Variants in LRFN5 observed in about 807,000 individuals in gnomAD.
The protein encoded by LRFN5 is leucine-rich repeat and fibronectin type-III domain-containing protein 5.
Under a neutral mutation model 45.6 loss-of-function variants are expected in LRFN5, and 24 were observed. That is an observed-to-expected ratio of 0.53 (90% CI 0.38 to 0.74). The LOEUF is 0.74. Among genes scored for constraint, LRFN5 ranks in the 30% least tolerant of loss-of-function variants. The probability of loss-of-function intolerance (pLI) is 0.00; values close to 1 mark genes in which losing one functional copy is unlikely to be tolerated. For synonymous variants in LRFN5, 340 were observed against 313.8 expected (o/e 1.08, Z -0.88); for missense variants, 776 against 861.5 (o/e 0.90, Z 1.24).
chr14:41,819,970 TA>T (rs1722110711), intron 2 of LRFN5, among the ~76,000 whole-genome samples: 1 of 151,656 alleles, frequency 6.6e-6, no homozygotes, highest in Non-Finnish European at 1.5e-5. Context: ...TTTTTTTTTT[TA>T]TTTTTCATGC....
intron 2 of LRFN5, among the ~76,000 whole-genome samples, chr14:41,882,949 C>T (rs979529331): frequency 6.9e-6 from 1 of 145,866 alleles, no homozygotes; most frequent in East Asian, 2.1e-4. Flanking sequence ...CCCGGGTTTA[C>T]GCCATTCTCC....
chr14:41,879,203 C>T (rs1344779375), intron 2 of LRFN5, among the ~76,000 whole-genome samples: 4 of 151,948 alleles, frequency 2.6e-5, no homozygotes, highest in Admixed American at 6.6e-5. Context: ...GCAATAGGGT[C>T]ACCTCTTTGA....
chr14:41,650,266 C>CAAAA (rs10654457), intron 1 of LRFN5, among the ~76,000 whole-genome samples: 13 of 135,520 alleles, frequency 9.6e-5, no homozygotes, highest in African/African-American at 1.7e-4. Flanking sequence ...CACACACACA[C>CAAAA]AAAAAAAAAA....
intron 4 of LRFN5, among the ~76,000 whole-genome samples, chr14:41,896,808 G>C (rs959108492): frequency 6.6e-6 from 1 of 151,864 alleles, no homozygotes; most frequent in African/African-American, 2.4e-5. Context: ...AAAAAGAGTG[G>C]TAGGCCGGGC....
chr14:41,666,900 T>C (rs1472646574), intron 1 of LRFN5, among the ~76,000 whole-genome samples: 1 of 152,138 alleles, frequency 6.6e-6, no homozygotes, highest in Non-Finnish European at 1.5e-5. Flanking sequence ...ATTTGACCCA[T>C]ATAGATTCAC....
intron 1 of LRFN5, among the ~76,000 whole-genome samples, chr14:41,722,548 C>T (rs1883764603): frequency 6.7e-6 from 1 of 148,376 alleles, no homozygotes. Flanking sequence ...CTTTCTCTCC[C>T]TATAATAAAA....
intron 2 of LRFN5, among the ~76,000 whole-genome samples, chr14:41,823,868 A>G (rs114714480): frequency 0.016 from 2,434 of 152,164 alleles, 58 homozygotes; most frequent in African/African-American, 0.055. Flanking sequence ...CATTTTTAAA[A>G]ATTATCTTTT....
chr14:41,676,061 G>T (rs1360290013), intron 1 of LRFN5, among the ~76,000 whole-genome samples: 1 of 152,184 alleles, frequency 6.6e-6, no homozygotes, highest in Non-Finnish European at 1.5e-5. Context: ...CCAGTCTGGG[G>T]CTATGGTTTC....
intron 1 of LRFN5, among the ~76,000 whole-genome samples, chr14:41,637,792 C>T (rs1879376554): frequency 6.6e-6 from 1 of 152,084 alleles, no homozygotes; most frequent in Non-Finnish European, 1.5e-5. Context: ...AGGGATATGA[C>T]CGCATTCTTC....
chr14:41,888,230 C>T (rs1348819143), intron 3 of LRFN5, among the ~76,000 whole-genome samples: 1 of 152,004 alleles, frequency 6.6e-6, no homozygotes, highest in Non-Finnish European at 1.5e-5. Context: ...ATTATGCTTA[C>T]TTACTTTTTT....
chr14:41,850,329 G>A (rs1889220997), intron 2 of LRFN5, among the ~76,000 whole-genome samples: 1 of 151,822 alleles, frequency 6.6e-6, no homozygotes. Context: ...ATAAGGACAA[G>A]GCTGAGGTGT....
intron 2 of LRFN5, among the ~76,000 whole-genome samples, chr14:41,884,569 G>A (rs976228057): frequency 3.3e-5 from 5 of 152,164 alleles, no homozygotes; most frequent in African/African-American, 9.7e-5. Flanking sequence ...AGTGGTCGCA[G>A]GCTGGACTGC....
rs1456203568 is a variant in LRFN5, at chr14:41,612,678, A to G, written c.-197+4116A>G. On this transcript the variant is annotated intron_variant, in intron 1 of 5. Coordinates refer to ENST00000298119, the MANE Select transcript of LRFN5 (RefSeq NM_152447.5). ...TTTATTCCCATGGCATCCTTCAATCATTGAGGACTATTTAGAACCTAAGGC... is the reference window on the plus strand; with the variant it reads ...TTTATTCCCATGGCATCCTTCAATCGTTGAGGACTATTTAGAACCTAAGGC... Among the ~76,000 whole-genome samples, 13 of 152,070 alleles carry G rather than the reference A, an allele frequency of 8.5e-5. 1 individual carries two copies. In the East Asian group the frequency reaches 2.3e-3, roughly 27 times the overall value.
chr14:41,831,573 G>A (rs1332676097), intron 2 of LRFN5, among the ~76,000 whole-genome samples: 1 of 152,006 alleles, frequency 6.6e-6, no homozygotes, highest in Non-Finnish European at 1.5e-5. Context: ...TATATGCTTG[G>A]TACATGCTAG....
chr14:41,891,041 G>A (rs1007716761), intron 3 of LRFN5, among the ~76,000 whole-genome samples: 4 of 151,924 alleles, frequency 2.6e-5, no homozygotes, highest in African/African-American at 9.7e-5. Flanking sequence ...GAAGGCTTGG[G>A]GTAGGCACGA....
intron 2 of LRFN5, among the ~76,000 whole-genome samples, chr14:41,820,776 T>C (rs1264627543): frequency 2.6e-5 from 4 of 151,998 alleles, no homozygotes; most frequent in Non-Finnish European, 5.9e-5. Context: ...GACTTGTTTG[T>C]ATCATCTACA....
At chr14:41,713,777 A>G (rs1053172420) in intron 1 of LRFN5, among the ~76,000 whole-genome samples, 5 of 152,152 alleles carry the variant, frequency 3.3e-5, no homozygotes, top group Admixed American at 6.5e-5. Context: ...TGAGAGGTAA[A>G]TTGATACAAT....
At chr14:41,764,399 A>G (rs1391578132) in intron 1 of LRFN5, among the ~76,000 whole-genome samples, 1 of 152,202 alleles carries the variant, frequency 6.6e-6, no homozygotes, top group African/African-American at 2.4e-5. Context: ...GCTGGCACAT[A>G]GTAAATCTTA....
At chr14:41,722,920 C>T (rs543220660) in intron 1 of LRFN5, among the ~76,000 whole-genome samples, 54 of 152,300 alleles carry the variant, frequency 3.5e-4, no homozygotes, top group African/African-American at 1.3e-3. Context: ...TGCTGGCAGG[C>T]GCAAGCACCA....
Sources: gnomAD v4.1 joint callset for allele counts (sites outside exome capture counted in the v4.1 genomes callset) on GRCh38, gnomAD v4.1.1 for gene constraint, MANE v1.5 for transcripts, NCBI Gene and HGNC (gene_info 2026-07-23, HGNC 2026-07-21) for gene names.